Variants in IQCK observed in about 807,000 individuals in gnomAD.
The protein encoded by IQCK is IQ motif containing K, also known as IQ domain-containing protein K.
A neutral mutation model predicts 28.1 loss-of-function variants in IQCK; 29 were observed. The ratio of observed to expected loss-of-function variants is 1.03; its 90% CI spans 0.77 to 1.41. The LOEUF (loss-of-function observed/expected upper bound fraction) is 1.41. IQCK is among the 40% of genes most tolerant of loss of function. IQCK has a pLI of 0.00. For missense variants in IQCK, 359 were observed against 314.7 expected (o/e 1.14, Z -1.07); for synonymous variants, 113 against 115.1 (o/e 0.98, Z 0.12).
chr16:19,757,370 G>T (rs117914301), intron 4 of IQCK, among the ~76,000 whole-genome samples: 1 of 152,102 alleles, frequency 6.6e-6, no homozygotes, highest in Non-Finnish European at 1.5e-5. Context: ...GGATTGAACC[G>T]CTGTTAATTT....
At chr16:19,743,351 G>A (rs1011492725) in intron 4 of IQCK, among the ~76,000 whole-genome samples, 5 of 152,136 alleles carry the variant, frequency 3.3e-5, no homozygotes, top group Non-Finnish European at 5.9e-5. Context: ...GGTAAACAAT[G>A]GGGAGACCGC....
At chr16:19,823,052 C>T (rs906488695) in intron 7 of IQCK, among the ~76,000 whole-genome samples, 1 of 151,982 alleles carries the variant, frequency 6.6e-6, no homozygotes, top group Non-Finnish European at 1.5e-5. Context: ...AAACCTGGCT[C>T]GGTCTCACCC....
At position 19,792,528 on chromosome 16, in the gene IQCK, G is replaced by A. The variant is rs947304767; in HGVS notation, c.690+3606G>A. ...ACAGTGAGTACCTTGGGGCAGCTGGGAAAGAACTAGGAAGACTCTAGCCTT... is the reference window on the plus strand; with the variant it reads ...ACAGTGAGTACCTTGGGGCAGCTGGAAAAGAACTAGGAAGACTCTAGCCTT... On this transcript the variant is annotated intron_variant, in intron 7 of 7. Transcript: ENST00000564186. 2.1e-4 allele frequency among the ~76,000 whole-genome samples: 24 copies of A among 114,752 alleles called. 4 individuals carry two copies. Among genetic ancestry groups the A allele is most frequent in the African/African-American group, 3.9e-4 (5 of 12,664 alleles). 75.3% of individuals were successfully genotyped at this position (114,752 alleles called of 152,430 possible). A position where few individuals can be genotyped will look rare whatever the true frequency, so the allele number is the denominator to read the frequency against.
At chr16:19,723,449 G>A (rs928673457) in intron 1 of IQCK, among the ~76,000 whole-genome samples, 1 of 152,076 alleles carries the variant, frequency 6.6e-6, no homozygotes, top group Non-Finnish European at 1.5e-5. Flanking sequence ...ATTGTGCTAG[G>A]TGCATTACTT....
At chr16:19,733,768 C>A in exon 3 of IQCK, 1 of 1,614,150 alleles carries the variant, frequency 6.2e-7, no homozygotes, top group Admixed American at 1.7e-5. Context: ...TCCCATTTCA[C>A]CATGATCTCA....
intron 1 of IQCK, among the ~76,000 whole-genome samples, 179 bp from the exon 2 acceptor site, chr16:19,730,251 C>A (rs1450304170): frequency 6.6e-6 from 1 of 152,186 alleles, no homozygotes; most frequent in Non-Finnish European, 1.5e-5. Context: ...CCACCGCACC[C>A]GGCCTCTTGC....
At chr16:19,764,261 A>G in intron 6 of IQCK, 149 bp downstream of exon 6, 3 of 644,588 alleles carry the variant, frequency 4.7e-6, no homozygotes, top group Non-Finnish European at 5.4e-6. Context: ...AGTTATTCTT[A>G]GCCTAGGCTA....
intron 6 of IQCK, among the ~76,000 whole-genome samples, chr16:19,775,465 T>A (rs2055378558): frequency 2.0e-5 from 3 of 152,174 alleles, no homozygotes; most frequent in Admixed American, 1.3e-4. Context: ...TTTACTTGGG[T>A]ATTATTCTGG....
intron 9 of IQCK, among the ~76,000 whole-genome samples, chr16:19,833,908 C>T (rs888955666): frequency 2.6e-5 from 4 of 151,830 alleles, no homozygotes; most frequent in Non-Finnish European, 4.4e-5. Context: ...CTGGGCAACA[C>T]AATGAGACCC....
At chr16:19,721,646 C>T (rs1360403380) in intron 1 of IQCK, among the ~76,000 whole-genome samples, 12 of 149,870 alleles carry the variant, frequency 8.0e-5, no homozygotes, top group African/African-American at 2.7e-4. Context: ...AGTGCAGTGG[C>T]GCAATCTCGG....
chr16:19,739,854 G>T (rs979350786), intron 4 of IQCK, among the ~76,000 whole-genome samples: 1 of 151,562 alleles, frequency 6.6e-6, no homozygotes, highest in Non-Finnish European at 1.5e-5. Flanking sequence ...TTTATTGCCC[G>T]TTGTGCGTCA....
intron 9 of IQCK, among the ~76,000 whole-genome samples, chr16:19,853,117 G>A (rs890854548): frequency 2.0e-5 from 3 of 152,114 alleles, no homozygotes; most frequent in Non-Finnish European, 4.4e-5. Flanking sequence ...TCTGCAGTGG[G>A]ATACGGGAGT....
chr16:19,769,463 G>C (rs564938962), intron 6 of IQCK, among the ~76,000 whole-genome samples: 1 of 152,330 alleles, frequency 6.6e-6, no homozygotes, highest in South Asian at 2.1e-4. Context: ...TAAATGGTGA[G>C]TAGTGGTTTA....
At chr16:19,761,443 T>A (rs1365025208) in intron 4 of IQCK, 3 of 454,170 alleles carry the variant, frequency 6.6e-6, no homozygotes, top group South Asian at 4.7e-5. Flanking sequence ...CTAGGGAGGG[T>A]GGATCTGGAT....
At chr16:19,853,088 G>A (rs1346154211) in intron 9 of IQCK, among the ~76,000 whole-genome samples, 1 of 152,130 alleles carries the variant, frequency 6.6e-6, no homozygotes, top group Non-Finnish European at 1.5e-5. Context: ...CATCCTCCCA[G>A]TACACGTATG....
Position 19,822,079 on chromosome 16 carries a change from A to C in IQCK, c.691-4947A>C, listed in dbSNP as rs537125585. 2.0e-4 allele frequency among the ~76,000 whole-genome samples: 29 copies of C among 145,250 alleles called. No individual in the cohort carries two copies. The South Asian group carries it at 4.3e-3, about 21-fold the overall frequency. ...TGAGACCCTGTCTCAAAAAAAAAAA[A>C]AAAACAAAAAAAAAAACAAAAAAAA... On this transcript the variant is annotated intron_variant, in intron 7 of 7. Transcript: ENST00000564186.
At chr16:19,761,303 T>A (rs1597530534) in intron 4 of IQCK, 2 of 442,944 alleles carry the variant, frequency 4.5e-6, no homozygotes, top group South Asian at 1.6e-5. Flanking sequence ...CAACCCCTAA[T>A]GTTCTTTTTT....
chr16:19,728,908 A>G (rs1484485115), intron 1 of IQCK, among the ~76,000 whole-genome samples: 1 of 152,232 alleles, frequency 6.6e-6, no homozygotes, highest in Non-Finnish European at 1.5e-5. Context: ...GTGATGAAAT[A>G]AAACTTATGT....
intron 9 of IQCK, among the ~76,000 whole-genome samples, chr16:19,845,322 C>T (rs1023920080): frequency 6.6e-6 from 1 of 152,240 alleles, no homozygotes; most frequent in Admixed American, 6.5e-5. Flanking sequence ...ATATAATATA[C>T]AGAGCTTCTG....
Sources: gnomAD v4.1 joint callset for allele counts (sites outside exome capture counted in the v4.1 genomes callset) on GRCh38, gnomAD v4.1.1 for gene constraint, MANE v1.5 for transcripts, NCBI Gene and HGNC (gene_info 2026-07-23, HGNC 2026-07-21) for gene names.